The following XPR1 variants were observed in gnomAD, a reference collection of about 807,000 sequenced individuals.
The protein encoded by XPR1 is solute carrier family 53 member 1.
XPR1 carries 28 observed loss-of-function variants against 87.5 expected under a neutral mutation model. That is an observed-to-expected ratio of 0.32 (90% CI 0.24 to 0.44). The LOEUF is 0.44. Among genes scored for constraint, XPR1 ranks in the 20% least tolerant of loss-of-function variants. The pLI, the probability that XPR1 is intolerant of heterozygous loss-of-function variation, is 1.00. For synonymous variants in XPR1, 300 were observed against 306.1 expected, an observed-to-expected ratio of 0.98 and a Z score of 0.21; for missense variants, 559 against 862.3, an observed-to-expected ratio of 0.65 and a Z score of 4.41.
At position 180,655,401 on chromosome 1, in the gene XPR1, T is replaced by TC. The variant is rs199894170; in HGVS notation, c.69+23131_69+23132insC. On this transcript the variant is annotated intron_variant, in intron 1 of 14. Coordinates refer to ENST00000367590, the MANE Select transcript of XPR1 (RefSeq NM_004736.4). ...TCTGTTGATAGTCTCTCTCTCTCTC[T>TC]TTTTTTTTTTTTTTTTTGAGACAGG... is the stretch of plus-strand genomic sequence containing the variant. Among the ~76,000 whole-genome samples, 47 of 129,892 alleles carry TC rather than the reference T, an allele frequency of 3.6e-4. 1 individual carries two copies. The highest frequency in any genetic ancestry group is 3.8e-3 in the Middle Eastern group (1 of 266). The allele number at this position is 129,892 out of a possible 152,430, so 85.2% of individuals were successfully genotyped here.
rs564635055 is a variant in XPR1, at chr1:180,705,971, G to T, written c.121+23560G>T. On this transcript the variant is annotated intron_variant, in intron 2 of 14. Coordinates refer to ENST00000367590, the MANE Select transcript of XPR1 (RefSeq NM_004736.4). ...CATGGTTAACATTTAGATAGCCTTA[G>T]GAGAGGGCCTTCTAAGCACAGAGAA... 2.6e-5 allele frequency among the ~76,000 whole-genome samples: 4 copies of T among 152,310 alleles called. 1 individual carries two copies. The South Asian group carries it at 8.3e-4, about 32-fold the overall frequency.
intron 1 of XPR1, among the ~76,000 whole-genome samples, chr1:180,651,058 A>AT (rs565961174): frequency 1.3e-5 from 2 of 152,212 alleles, no homozygotes; most frequent in South Asian, 4.1e-4. Flanking sequence ...TCGATGTCAT[A>AT]AAGTATCTTG....
chr1:180,866,831 CTCTAAGTTTTA>C (rs1652412126), intron 12 of XPR1, among the ~76,000 whole-genome samples: 1 of 127,870 alleles, frequency 7.8e-6, no homozygotes, highest in South Asian at 2.4e-4. Context: ...TTTTATTATA[CTCTAAGTTTTA>C]GGGTACATGT....
chr1:180,759,030 A>G (rs567494487), intron 2 of XPR1, among the ~76,000 whole-genome samples: 212 of 152,238 alleles, frequency 1.4e-3, no homozygotes, highest in African/African-American at 4.3e-3. Flanking sequence ...GGTACATAAC[A>G]AAATGAAGGC....
chr1:180,653,644 A>C (rs1192029704), intron 1 of XPR1, among the ~76,000 whole-genome samples: 1 of 152,206 alleles, frequency 6.6e-6, no homozygotes, highest in East Asian at 1.9e-4. Flanking sequence ...ACCTATGATA[A>C]AGTTTAATAA....
chr1:180,660,101 G>T (rs540136074), intron 1 of XPR1, among the ~76,000 whole-genome samples: 31 of 152,166 alleles, frequency 2.0e-4, no homozygotes, highest in Middle Eastern at 3.4e-3. Context: ...TTGTTTGGTT[G>T]TATGTGTCTA....
chr1:180,668,123 CTTTTTTT>C lies in XPR1; in HGVS notation c.70-14220_70-14214del, dbSNP rs758456790. On this transcript the variant is annotated intron_variant, in intron 1 of 14. Transcript: ENST00000367590. ...TGCTTTCATATTTATTTCCCTCTAT[CTTTTTTT>C]TTTTTTTTTTTTTTTTAAGACAGAG... Among the ~76,000 whole-genome samples the C allele has an allele frequency of 7.4e-5, 7 of 94,704 alleles. No homozygotes were observed. The East Asian group carries it at 1.6e-3, about 22-fold the overall frequency. 62.1% of individuals were successfully genotyped at this position (94,704 alleles called of 152,430 possible).
chr1:180,771,502 A>G (rs776372182), intron 2 of XPR1, among the ~76,000 whole-genome samples: 1 of 152,072 alleles, frequency 6.6e-6, no homozygotes, highest in African/African-American at 2.4e-5. Flanking sequence ...TCAACTACAG[A>G]CCTTACTCAA....
intron 2 of XPR1, among the ~76,000 whole-genome samples, chr1:180,783,935 A>C (rs999340059): frequency 1.1e-4 from 17 of 151,830 alleles, no homozygotes; most frequent in African/African-American, 4.1e-4. Context: ...GGCACTTGTA[A>C]TTCCAGCTAC....
chr1:180,670,692 A>G (rs1656139317), intron 1 of XPR1, among the ~76,000 whole-genome samples: 2 of 152,186 alleles, frequency 1.3e-5, no homozygotes. Context: ...ATTTATCTTT[A>G]TTGAGAACTT....
At chr1:180,718,621 A>G (rs1187368804) in intron 2 of XPR1, among the ~76,000 whole-genome samples, 4 of 151,804 alleles carry the variant, frequency 2.6e-5, no homozygotes, top group Non-Finnish European at 4.4e-5. Flanking sequence ...GACAGACTGC[A>G]TGCACCCTAA....
chr1:180,739,628 C>T, intron 2 of XPR1, among the ~76,000 whole-genome samples: 1 of 152,174 alleles, frequency 6.6e-6, no homozygotes, highest in South Asian at 2.1e-4. Flanking sequence ...TTTCCGTATA[C>T]AGATCCTATA....
intron 1 of XPR1, among the ~76,000 whole-genome samples, chr1:180,661,517 GT>G (rs1387222165): frequency 3.5e-5 from 4 of 114,828 alleles, no homozygotes; most frequent in African/African-American, 9.7e-5. Context: ...GTGTGTGTGT[GT>G]GGTATGTTTT....
At chr1:180,715,736 G>A (rs1268525065) in intron 2 of XPR1, among the ~76,000 whole-genome samples, 1 of 151,868 alleles carries the variant, frequency 6.6e-6, no homozygotes, top group Non-Finnish European at 1.5e-5. Flanking sequence ...GAGTGCAATG[G>A]TGCGATCTTG....
chr1:180,818,680 G>A (rs1254810654), intron 7 of XPR1, among the ~76,000 whole-genome samples: 2 of 152,146 alleles, frequency 1.3e-5, no homozygotes, highest in East Asian at 3.8e-4. Context: ...TCATGGATCA[G>A]AGAGATGATA....
intron 1 of XPR1, among the ~76,000 whole-genome samples, chr1:180,667,665 GGGAA>G (rs1411299617): frequency 6.6e-6 from 1 of 152,152 alleles, no homozygotes; most frequent in East Asian, 1.9e-4. Flanking sequence ...GGAAAAGTTT[GGGAA>G]GGGTTGATAT....
intron 1 of XPR1, among the ~76,000 whole-genome samples, chr1:180,658,503 G>A (rs1277428576): frequency 6.6e-6 from 1 of 151,918 alleles, no homozygotes; most frequent in Admixed American, 6.6e-5. Context: ...ATGAGAGGAT[G>A]TTGAATTTTA....
At chr1:180,767,814 A>G in intron 2 of XPR1, among the ~76,000 whole-genome samples, 1 of 152,006 alleles carries the variant, frequency 6.6e-6, no homozygotes, top group East Asian at 1.9e-4. Flanking sequence ...TGATGTTTTT[A>G]TATAATGAAG....
At chr1:180,823,256 A>AG (rs1650705533) in intron 7 of XPR1, among the ~76,000 whole-genome samples, 1 of 151,922 alleles carries the variant, frequency 6.6e-6, no homozygotes, top group African/African-American at 2.4e-5. Context: ...AAAAAAACAA[A>AG]AGTTTGTATG....
Sources: gnomAD v4.1 joint callset for allele counts (sites outside exome capture counted in the v4.1 genomes callset) on GRCh38, gnomAD v4.1.1 for gene constraint, MANE v1.5 for transcripts, NCBI Gene and HGNC (gene_info 2026-07-23, HGNC 2026-07-21) for gene names.